The following TMEM132C variants were observed in gnomAD, a reference collection of about 807,000 sequenced individuals.
TMEM132C encodes the protein protein phosphatase 1, regulatory subunit 152.
In TMEM132C, 29 loss-of-function variants were observed where a neutral mutation model predicts 61.4. The ratio of observed to expected loss-of-function variants is 0.47; its 90% CI spans 0.35 to 0.64. The LOEUF is 0.64. Among genes scored for constraint, TMEM132C ranks in the 30% least tolerant of loss-of-function variants. The probability of loss-of-function intolerance (pLI) is 0.00; values close to 1 mark genes in which losing one functional copy is unlikely to be tolerated. For missense variants in TMEM132C, 1,408 were observed against 1,476.9 expected (o/e 0.95, Z 0.76); for synonymous variants, 656 against 633.1 (o/e 1.04, Z -0.54).
chr12:128,306,169 C>A (rs1871768708), intron 1 of TMEM132C, among the ~76,000 whole-genome samples: 1 of 151,578 alleles, frequency 6.6e-6, no homozygotes, highest in Non-Finnish European at 1.5e-5. Flanking sequence ...GTGAACATTT[C>A]AGCATGGAAA....
At chr12:128,599,508 C>G (rs1011084370) in intron 3 of TMEM132C, among the ~76,000 whole-genome samples, 1 of 152,198 alleles carries the variant, frequency 6.6e-6, no homozygotes, top group African/African-American at 2.4e-5. Context: ...TACTTTCATA[C>G]AGAAATAGGA....
At chr12:128,689,888 A>G (rs964890447) in intron 5 of TMEM132C, among the ~76,000 whole-genome samples, 1 of 152,208 alleles carries the variant, frequency 6.6e-6, no homozygotes, top group African/African-American at 2.4e-5. Flanking sequence ...GTCTATGCCA[A>G]CAGGCCCTCC....
chr12:128,322,723 C>A (rs2135936671), intron 1 of TMEM132C, among the ~76,000 whole-genome samples: 1 of 152,298 alleles, frequency 6.6e-6, no homozygotes, highest in Non-Finnish European at 1.5e-5. Context: ...GTGGGTGCTA[C>A]TTTATTTAAT....
intron 2 of TMEM132C, among the ~76,000 whole-genome samples, chr12:128,456,818 C>T (rs980264939): frequency 3.3e-5 from 5 of 152,178 alleles, no homozygotes; most frequent in African/African-American, 1.2e-4. Context: ...CAGATAACCC[C>T]ATCTGCTCCA....
chr12:128,276,710 C>T (rs1190015425), intron 1 of TMEM132C, among the ~76,000 whole-genome samples: 1 of 152,184 alleles, frequency 6.6e-6, no homozygotes, highest in Non-Finnish European at 1.5e-5. Flanking sequence ...GCTGTGTTTC[C>T]TCACTGTCTC....
intron 3 of TMEM132C, among the ~76,000 whole-genome samples, chr12:128,598,739 G>C (rs1876059586): frequency 6.6e-6 from 1 of 151,832 alleles, no homozygotes; most frequent in Non-Finnish European, 1.5e-5. Context: ...GGGTTTAGTT[G>C]CCCCAATTTT....
At chr12:128,334,946 A>G (rs544215620) in intron 1 of TMEM132C, among the ~76,000 whole-genome samples, 2 of 152,190 alleles carry the variant, frequency 1.3e-5, no homozygotes, top group Admixed American at 6.5e-5. Flanking sequence ...TTTCCTTTCA[A>G]TGTTACTTTG....
chr12:128,592,255 A>C (rs1875780299), intron 3 of TMEM132C, among the ~76,000 whole-genome samples: 1 of 152,138 alleles, frequency 6.6e-6, no homozygotes, highest in South Asian at 2.1e-4. Flanking sequence ...GCTGCTGTTT[A>C]GTTTTTACAC....
intron 1 of TMEM132C, among the ~76,000 whole-genome samples, chr12:128,411,998 C>T (rs146796344): frequency 2.6e-5 from 4 of 152,244 alleles, no homozygotes; most frequent in Non-Finnish European, 2.9e-5. Flanking sequence ...ATTGCTAATT[C>T]GTACTTTTGT....
chr12:128,285,773 C>T (rs1459548449), intron 1 of TMEM132C, among the ~76,000 whole-genome samples: 2 of 32,220 alleles, frequency 6.2e-5, no homozygotes, highest in South Asian at 8.0e-4. Flanking sequence ...CTCTCTTTCT[C>T]TCTCTCTCTC....
At chr12:128,694,977 G>A (rs1954748048) in intron 6 of TMEM132C, among the ~76,000 whole-genome samples, 1 of 152,206 alleles carries the variant, frequency 6.6e-6, no homozygotes, top group South Asian at 2.1e-4. Context: ...ATCTGTTCAT[G>A]AGAATAATTA....
intron 1 of TMEM132C, among the ~76,000 whole-genome samples, chr12:128,340,915 T>TC (rs1872954433): frequency 3.9e-5 from 4 of 103,738 alleles, no homozygotes; most frequent in Admixed American, 9.3e-5. Context: ...TCTCTCTCTC[T>TC]TTCTCTCTCT....
chr12:128,541,027 G>C (rs143185470), intron 2 of TMEM132C, among the ~76,000 whole-genome samples: 10 of 149,690 alleles, frequency 6.7e-5, no homozygotes, highest in African/African-American at 7.4e-5. Context: ...CTCTTTCTCT[G>C]TCTCTCTCTC....
intron 3 of TMEM132C, among the ~76,000 whole-genome samples, chr12:128,611,939 A>G (rs1336384675): frequency 3.3e-5 from 5 of 152,242 alleles, no homozygotes; most frequent in Admixed American, 3.3e-4. Flanking sequence ...GAAAGGGTCA[A>G]GTTTCAAAAT....
chr12:128,527,677 G>A (rs1194305582), intron 2 of TMEM132C, among the ~76,000 whole-genome samples: 3 of 151,200 alleles, frequency 2.0e-5, no homozygotes, highest in Non-Finnish European at 4.4e-5. Context: ...GTTTGTGTAT[G>A]TGAACGTGCA....
At chr12:128,688,751 G>A (rs901062179) in intron 5 of TMEM132C, among the ~76,000 whole-genome samples, 1 of 152,224 alleles carries the variant, frequency 6.6e-6, no homozygotes, top group Non-Finnish European at 1.5e-5. Flanking sequence ...GGCCTAGGAA[G>A]AGTAGGCAAA....
At chr12:128,354,294 G>C (rs1410671894) in intron 1 of TMEM132C, among the ~76,000 whole-genome samples, 1 of 152,022 alleles carries the variant, frequency 6.6e-6, no homozygotes, top group Non-Finnish European at 1.5e-5. Flanking sequence ...AGTGGAGGGA[G>C]GGGCATTAGA....
intron 1 of TMEM132C, among the ~76,000 whole-genome samples, chr12:128,331,355 G>A (rs1482433223): frequency 6.6e-6 from 1 of 152,156 alleles, no homozygotes; most frequent in Non-Finnish European, 1.5e-5. Flanking sequence ...TTCTTGCATG[G>A]TGGCCAAATC....
intron 1 of TMEM132C, among the ~76,000 whole-genome samples, chr12:128,271,936 TTGAAG>T (rs1870534861): frequency 6.6e-6 from 1 of 152,232 alleles, no homozygotes; most frequent in South Asian, 2.1e-4. Flanking sequence ...GGTATATTAA[TTGAAG>T]TGAAGGAAAG....
Sources: gnomAD v4.1 joint callset for allele counts (sites outside exome capture counted in the v4.1 genomes callset) on GRCh38, gnomAD v4.1.1 for gene constraint, MANE v1.5 for transcripts, NCBI Gene and HGNC (gene_info 2026-07-23, HGNC 2026-07-21) for gene names.